The following RBFOX1 variants were observed in gnomAD, a reference collection of about 807,000 sequenced individuals.
RBFOX1 encodes the protein RNA binding fox-1 homolog 1, also known as RNA binding protein fox-1 homolog 1.
In RBFOX1, 8 loss-of-function variants were observed where a neutral mutation model predicts 57.7. That is an observed-to-expected ratio of 0.14 (90% confidence interval 0.08 to 0.25). The LOEUF (loss-of-function observed/expected upper bound fraction) is 0.25, where lower values mean the gene tolerates loss of function less well. Among genes scored for constraint, RBFOX1 ranks in the 10% least tolerant of loss-of-function variants. The pLI, the probability that RBFOX1 is intolerant of heterozygous loss-of-function variation, is 1.00. For synonymous variants in RBFOX1, 326 were observed against 222.4 expected (o/e 1.47, Z -4.15); for missense variants, 611 against 548.5 (o/e 1.11, Z -1.14).
At chr16:7,302,306 C>T (rs1310799571) in intron 4 of RBFOX1, among the ~76,000 whole-genome samples, 1 of 152,184 alleles carries the variant, frequency 6.6e-6, no homozygotes, top group East Asian at 1.9e-4. Flanking sequence ...AAAATAGAGC[C>T]GTGGGATAAT....
At chr16:7,143,679 G>A (rs1288100821) in intron 4 of RBFOX1, among the ~76,000 whole-genome samples, 1 of 152,010 alleles carries the variant, frequency 6.6e-6, no homozygotes, top group East Asian at 1.9e-4. Context: ...CTGCAGATAC[G>A]ATCCTCAGCA....
chr16:6,988,138 A>G (rs1038397593), intron 3 of RBFOX1, among the ~76,000 whole-genome samples: 3 of 152,240 alleles, frequency 2.0e-5, no homozygotes, highest in Non-Finnish European at 4.4e-5. Flanking sequence ...ATACATAAAA[A>G]AGAAAACGCA....
intron 1 of RBFOX1, among the ~76,000 whole-genome samples, chr16:5,310,505 GTC>G (rs2064057899): frequency 6.6e-6 from 1 of 152,164 alleles, no homozygotes; most frequent in African/African-American, 2.4e-5. Flanking sequence ...GCATTTCTGA[GTC>G]TCTGTTTCCT....
At chr16:6,995,290 T>TTGTGTGTGTGTGTGTGTGTGTGTG (rs57039390) in intron 3 of RBFOX1, among the ~76,000 whole-genome samples, 6 of 138,328 alleles carry the variant, frequency 4.3e-5, no homozygotes, top group Non-Finnish European at 6.2e-5. Flanking sequence ...GAAAGTAGCC[T>TTGTGTGTGTGTGTGTGTGTGTGTG]TGTGTGTGTG....
intron 2 of RBFOX1, among the ~76,000 whole-genome samples, chr16:5,493,169 C>T (rs2042890632): frequency 6.6e-6 from 1 of 152,238 alleles, no homozygotes; most frequent in Non-Finnish European, 1.5e-5. Flanking sequence ...TCTTGAAACT[C>T]AGATCCCGAA....
At chr16:6,150,067 G>A (rs2096786914) in intron 1 of RBFOX1, among the ~76,000 whole-genome samples, 2 of 152,202 alleles carry the variant, frequency 1.3e-5, no homozygotes, top group African/African-American at 2.4e-5. Context: ...GCACTGTGGG[G>A]CAAGGTGTTG....
intron 3 of RBFOX1, among the ~76,000 whole-genome samples, chr16:6,757,540 C>T (rs1021174839): frequency 2.0e-5 from 3 of 152,066 alleles, no homozygotes; most frequent in Non-Finnish European, 4.4e-5. Flanking sequence ...CTGAAATAAG[C>T]TGAGCACAGA....
At chr16:7,224,275 T>A (rs2152871012) in intron 4 of RBFOX1, among the ~76,000 whole-genome samples, 1 of 152,222 alleles carries the variant, frequency 6.6e-6, no homozygotes, top group Non-Finnish European at 1.5e-5. Flanking sequence ...AGCCAGCAGT[T>A]ATGGACAGTG....
chr16:7,229,331 G>GAA (rs2093342414), intron 4 of RBFOX1, among the ~76,000 whole-genome samples: 1 of 152,096 alleles, frequency 6.6e-6, no homozygotes, highest in African/African-American at 2.4e-5. Context: ...AAAATGAAAT[G>GAA]AAACTGCTCG....
intron 2 of RBFOX1, among the ~76,000 whole-genome samples, chr16:6,640,755 C>A (rs747272131): frequency 7.2e-5 from 11 of 152,168 alleles, no homozygotes; most frequent in Admixed American, 2.0e-4. Context: ...CTGAAGGATA[C>A]AAGTTCCAGT....
At chr16:5,472,824 T>G (rs1042960428) in intron 2 of RBFOX1, among the ~76,000 whole-genome samples, 6 of 152,230 alleles carry the variant, frequency 3.9e-5, no homozygotes, top group Admixed American at 2.0e-4. Context: ...CCATGGAAGC[T>G]GCACGCCTGT....
chr16:7,094,113 A>G (rs1474393863), intron 4 of RBFOX1, among the ~76,000 whole-genome samples: 1 of 151,076 alleles, frequency 6.6e-6, no homozygotes, highest in Non-Finnish European at 1.5e-5. Flanking sequence ...TTCATTTTAC[A>G]TTTTGAGTGG....
chr16:6,781,423 G>A (rs529898984), intron 3 of RBFOX1, among the ~76,000 whole-genome samples: 3 of 152,120 alleles, frequency 2.0e-5, no homozygotes, highest in South Asian at 2.1e-4. Flanking sequence ...TTTGGCATTA[G>A]GATAATCCTG....
chr16:6,618,856 G>A (rs555825435), intron 2 of RBFOX1, among the ~76,000 whole-genome samples: 16 of 152,228 alleles, frequency 1.1e-4, no homozygotes, highest in African/African-American at 3.9e-4. Context: ...CACCTCTTTG[G>A]ACCCTGTGTT....
At chr16:6,832,285 T>C (rs1407333872) in intron 3 of RBFOX1, among the ~76,000 whole-genome samples, 4 of 152,198 alleles carry the variant, frequency 2.6e-5, no homozygotes, top group African/African-American at 7.2e-5. Flanking sequence ...TGCTGACATA[T>C]GTCACATGTC....
Position 7,712,100 on chromosome 16 carries a change from G to A in RBFOX1, c.*1355G>A, listed in dbSNP as rs933648484. On this transcript the variant is annotated 3_prime_UTR_variant, in exon 16 of 16. Coordinates refer to ENST00000550418, the MANE Select transcript of RBFOX1 (RefSeq NM_018723.4). ...TCTCCCCACCTTTCTCGGATGCAGG[G>A]CCAGAGTGACACAGCCGAAAAATTG... 6.6e-6 allele frequency: 1 copy of A among 152,560 alleles called. No individual in the cohort carries two copies. Among genetic ancestry groups the A allele is most frequent in the Admixed American group, 6.5e-5 (1 of 15,268 alleles). The allele number at this position is 152,560 out of a possible 1,614,324, so 9.5% of individuals were successfully genotyped here. A position where few individuals can be genotyped will look rare whatever the true frequency, so the allele number is the denominator to read the frequency against.
chr16:6,109,165 C>T (rs375158804), intron 1 of RBFOX1, among the ~76,000 whole-genome samples: 2 of 152,120 alleles, frequency 1.3e-5, no homozygotes, highest in South Asian at 2.1e-4. Flanking sequence ...TTTTCTGAAT[C>T]GTGGCTTTTG....
chr16:5,426,915 G>T (rs895020563), intron 1 of RBFOX1, among the ~76,000 whole-genome samples: 7 of 152,200 alleles, frequency 4.6e-5, no homozygotes, highest in South Asian at 2.1e-4. Context: ...GGAGCCCAGA[G>T]CCCTGTAGTC....
At chr16:7,368,957 T>A (rs2097518474) in intron 4 of RBFOX1, among the ~76,000 whole-genome samples, 1 of 152,034 alleles carries the variant, frequency 6.6e-6, no homozygotes, top group Admixed American at 6.6e-5. Flanking sequence ...GGTGAATCTT[T>A]CTTTTTTTTA....
Sources: allele counts gnomAD v4.1 joint callset (sites outside exome capture counted in the v4.1 genomes callset), GRCh38; gene constraint gnomAD v4.1.1; transcripts MANE v1.5; gene names NCBI Gene and HGNC (gene_info 2026-07-23, HGNC 2026-07-21).